Variants in DOCK4 observed in about 807,000 individuals in gnomAD.
The protein encoded by DOCK4 is dedicator of cytokinesis 4.
A neutral mutation model predicts 268.1 loss-of-function variants in DOCK4; 97 were observed. The observed-to-expected ratio is 0.36, with a 90% CI of 0.31 to 0.43. The LOEUF (loss-of-function observed/expected upper bound fraction) is 0.43, where lower values mean the gene tolerates loss of function less well. Ranked by LOEUF, DOCK4 falls within the 20% of genes least tolerant of loss-of-function variation. The pLI, the probability that DOCK4 is intolerant of heterozygous loss-of-function variation, is 1.00. For missense variants in DOCK4, 2,145 were observed against 2,455.7 expected (o/e 0.87, Z 2.67); for synonymous variants, 954 against 887.2 (o/e 1.08, Z -1.34).
At chr7:111,957,032 A>AT (rs1258110626) in intron 8 of DOCK4, among the ~76,000 whole-genome samples, 1 of 152,170 alleles carries the variant, frequency 6.6e-6, no homozygotes. Flanking sequence ...ATTCAACTGT[A>AT]TTTTTTGAAG....
chr7:111,892,985 G>T (rs1217062471), intron 16 of DOCK4, among the ~76,000 whole-genome samples: 1 of 152,136 alleles, frequency 6.6e-6, no homozygotes, highest in Non-Finnish European at 1.5e-5. Context: ...ATGTAGGTCT[G>T]CCCCAAATTA....
intron 30 of DOCK4, among the ~76,000 whole-genome samples, chr7:111,802,959 C>T (rs1800413591): frequency 1.3e-5 from 2 of 152,090 alleles, no homozygotes; most frequent in Admixed American, 6.6e-5. Flanking sequence ...ACAGATAGGA[C>T]ATTTTACAAA....
intron 1 of DOCK4, among the ~76,000 whole-genome samples, chr7:112,047,964 T>C (rs1451688579): frequency 6.6e-6 from 1 of 152,174 alleles, no homozygotes; most frequent in Non-Finnish European, 1.5e-5. Context: ...GCACTGGGAT[T>C]ACAGGTGTGA....
At chr7:111,729,006 G>T (rs1384998989) in intron 52 of DOCK4, among the ~76,000 whole-genome samples, 1 of 152,150 alleles carries the variant, frequency 6.6e-6, no homozygotes, top group African/African-American at 2.4e-5. Flanking sequence ...AGCCCAGGAG[G>T]GAGGCCTCGG....
chr7:111,978,992 A>G (rs1223019023), intron 7 of DOCK4, among the ~76,000 whole-genome samples: 2 of 152,204 alleles, frequency 1.3e-5, no homozygotes, highest in Non-Finnish European at 2.9e-5. Context: ...CACTTTGACA[A>G]TTAAAAAAAT....
At chr7:112,020,581 C>T (rs930869776) in intron 1 of DOCK4, among the ~76,000 whole-genome samples, 18 of 151,260 alleles carry the variant, frequency 1.2e-4, no homozygotes, top group Admixed American at 2.0e-4. Flanking sequence ...ACGATCATAC[C>T]TTCAGAAACT....
In DOCK4 at chr7:111,861,485, G is replaced by A. The variant is rs148038376; in HGVS notation, c.2473+1887C>T. ...TATTAGGCCGGGTGTGGTGGCTCAC[G>A]CCTGTAATCCTAGCCCTTTGGGAGG... On this transcript the variant is annotated intron_variant, in intron 23 of 52. Coordinates refer to ENST00000428084, the MANE Select transcript of DOCK4 (RefSeq NM_001363540.2). Among the ~76,000 whole-genome samples the A allele has an allele frequency of 9.6e-3, 1,453 of 152,100 alleles. 26 individuals are homozygous for A. Among genetic ancestry groups the A allele is most frequent in the African/African-American group, 0.034 (1,390 of 41,484 alleles).
chr7:111,911,669 C>T (rs778968628), intron 13 of DOCK4, among the ~76,000 whole-genome samples: 2 of 152,180 alleles, frequency 1.3e-5, no homozygotes, highest in African/African-American at 4.8e-5. Flanking sequence ...ACAAAAGCTG[C>T]GTGAGCACAG....
At position 111,762,580 on chromosome 7, in the gene DOCK4, C is replaced by A. The variant is rs533221396; in HGVS notation, c.4021-2258G>T. Among the ~76,000 whole-genome samples the A allele has an allele frequency of 9.8e-4, 149 of 151,828 alleles. 2 individuals carry two copies. In the Middle Eastern group the frequency reaches 0.01, roughly 11 times the overall value. ...GCATAGATATGCTGTGTTTTGTTTA[C>A]CCATTCATCAGTTAATAGATATTTG... is the stretch of plus-strand genomic sequence containing the variant. On this transcript the variant is annotated intron_variant, in intron 39 of 52. Coordinates refer to ENST00000428084, the MANE Select transcript of DOCK4 (RefSeq NM_001363540.2).
chr7:111,822,005 T>C (rs1802020598), intron 27 of DOCK4, among the ~76,000 whole-genome samples: 1 of 152,190 alleles, frequency 6.6e-6, no homozygotes, highest in Non-Finnish European at 1.5e-5. Context: ...ATTGCCAGGA[T>C]TTCTTAAGAG....
At chr7:112,095,137 T>C (rs746479505) in intron 1 of DOCK4, among the ~76,000 whole-genome samples, 2 of 152,224 alleles carry the variant, frequency 1.3e-5, no homozygotes, top group East Asian at 1.9e-4. Context: ...TTACTTACCA[T>C]TGATCAGTCT....
chr7:111,736,770 CT>C, intron 50 of DOCK4, 146 bp downstream of exon 50: 2 of 746,552 alleles, frequency 2.7e-6, no homozygotes, highest in South Asian at 1.6e-5. Flanking sequence ...GAATAACTGT[CT>C]TTCATTAATC....
intron 41 of DOCK4, among the ~76,000 whole-genome samples, chr7:111,757,770 GT>G (rs1322676586): frequency 6.6e-6 from 1 of 152,178 alleles, no homozygotes; most frequent in Non-Finnish European, 1.5e-5. Flanking sequence ...TGAGACAATC[GT>G]GTTAGGAGCA....
rs188987424 is a variant in DOCK4, at chr7:111,806,582, G to A, written c.3166+2239C>T. Among the ~76,000 whole-genome samples the A allele has an allele frequency of 5.9e-5, 9 of 152,264 alleles. No homozygotes were observed. The East Asian group carries it at 1.4e-3, about 23-fold the overall frequency. ...TAAAGGAGGAGCCTTTTCTAACAGC[G>A]TCTTAGGATTGTGCTAGAGCTAAGT... On this transcript the variant is annotated intron_variant, in intron 30 of 52. Transcript: ENST00000428084.
At chr7:111,940,443 G>T (rs76832964) in intron 10 of DOCK4, among the ~76,000 whole-genome samples, 1,968 of 152,284 alleles carry the variant, frequency 0.013, 42 homozygotes, top group African/African-American at 0.044. Context: ...TGGGTAAGCA[G>T]CTTAAATTCT....
In DOCK4 at chr7:112,204,190, G is replaced by A. The variant is rs1245473272; in HGVS notation, c.37+1912C>T. 2.0e-5 allele frequency among the ~76,000 whole-genome samples: 3 copies of A among 152,080 alleles called. No homozygotes were observed. The East Asian group carries it at 5.8e-4, about 29-fold the overall frequency. ...ATCCCAGAGTGGTTTTTAAGCCTCT[G>A]CCCACCGCTTGTAAAGAAAGGCAAG... On this transcript the variant is annotated intron_variant, in intron 1 of 52. Coordinates refer to ENST00000428084, the MANE Select transcript of DOCK4 (RefSeq NM_001363540.2).
At chr7:111,800,090 G>T (rs1171780727) in intron 30 of DOCK4, among the ~76,000 whole-genome samples, 4 of 152,040 alleles carry the variant, frequency 2.6e-5, no homozygotes, top group Non-Finnish European at 4.4e-5. Context: ...AAGTATAAAA[G>T]TTTTACTATC....
chr7:111,899,481 G>C (rs998943647), intron 15 of DOCK4, among the ~76,000 whole-genome samples: 3 of 152,174 alleles, frequency 2.0e-5, no homozygotes, highest in African/African-American at 7.2e-5. Context: ...CCTGGACTGG[G>C]GGTAGTTGGG....
intron 5 of DOCK4, among the ~76,000 whole-genome samples, chr7:111,992,557 GAGGAA>G (rs1236559319): frequency 6.6e-6 from 1 of 152,178 alleles, no homozygotes; most frequent in South Asian, 2.1e-4. Context: ...AGAACACTAG[GAGGAA>G]AGGAGTTTAC....
Sources: gnomAD v4.1 joint callset for allele counts (sites outside exome capture counted in the v4.1 genomes callset) on GRCh38, gnomAD v4.1.1 for gene constraint, MANE v1.5 for transcripts, NCBI Gene and HGNC (gene_info 2026-07-23, HGNC 2026-07-21) for gene names.